The following ZNF578 variants were observed in gnomAD, a reference collection of about 807,000 sequenced individuals.
ZNF578 encodes the protein zinc finger protein 578, also known as Putative chemokine-related protein B42.
A neutral mutation model predicts 8.3 loss-of-function variants in ZNF578; 8 were observed. The ratio of observed to expected loss-of-function variants is 0.96; its 90% CI spans 0.56 to 1.74. The LOEUF (loss-of-function observed/expected upper bound fraction) is 1.74, where lower values mean the gene tolerates loss of function less well. Among genes scored for constraint, ZNF578 ranks in the 40% most tolerant of loss-of-function variants. The pLI is 0.00. For missense variants in ZNF578, 726 were observed against 707.5 expected, an observed-to-expected ratio of 1.03 and a Z score of -0.30; for synonymous variants, 206 against 232.2, an observed-to-expected ratio of 0.89 and a Z score of 1.03.
chr19:52,498,684 CTTTTTT>C (rs72019256), intron 3 of ZNF578, among the ~76,000 whole-genome samples: 2 of 106,852 alleles, frequency 1.9e-5, no homozygotes, highest in African/African-American at 8.1e-5. Context: ...CGCCTGGCCG[CTTTTTT>C]TTTTTTTTTT....
chr19:52,453,983 C>T (rs981205266), intron 1 of ZNF578: 6 of 152,472 alleles, frequency 3.9e-5, no homozygotes, highest in African/African-American at 1.2e-4. Flanking sequence ...AGCGCCGTGT[C>T]CTCTGCCCGG....
intron 2 of ZNF578, among the ~76,000 whole-genome samples, chr19:52,488,644 C>CCCA (rs2059354311): frequency 2.0e-5 from 3 of 151,502 alleles, no homozygotes; most frequent in African/African-American, 7.3e-5. Context: ...ATTAGCCAGG[C>CCCA]GTGGTGGCAG....
chr19:52,482,443 G>A lies in ZNF578; in HGVS notation c.-121-8881G>A, dbSNP rs143988580. On this transcript the variant is annotated intron_variant, in intron 2 of 5. Transcript: ENST00000421239. ...ACGAGGTCAGGGGTTCGAGACCAGC[G>A]TGGCCAACACAGTGAAACCCCATCT... Among the ~76,000 whole-genome samples, 764 of 152,142 alleles carry A rather than the reference G, an allele frequency of 5.0e-3. 4 individuals carry two copies. The highest frequency in any genetic ancestry group is 0.017 in the African/African-American group (725 of 41,572).
chr19:52,514,249 T>A lies in ZNF578; in HGVS notation c.*2095T>A, dbSNP rs2059463258. On this transcript the variant is annotated 3_prime_UTR_variant, in exon 6 of 6. Coordinates refer to ENST00000421239, the MANE Select transcript of ZNF578 (RefSeq NM_001099694.2). Reference sequence around the variant, plus strand: ...TCCTGTAATCAGCTCACATCATTCGTTTCTGTACTTGTATATTTTCCAGTT... The same window carrying A: ...TCCTGTAATCAGCTCACATCATTCGATTCTGTACTTGTATATTTTCCAGTT... Among the ~76,000 whole-genome samples the A allele has an allele frequency of 6.6e-6, 1 of 152,216 alleles. No homozygotes were observed. Among genetic ancestry groups the A allele is most frequent in the Non-Finnish European group, 1.5e-5 (1 of 68,044 alleles).
intron 2 of ZNF578, chr19:52,474,406 A>G: frequency 3.4e-6 from 1 of 293,168 alleles, no homozygotes; most frequent in South Asian, 3.4e-5. Flanking sequence ...TACATTTGTA[A>G]GGTTTCTCTC....
At chr19:52,507,917 C>T (rs781587490) in intron 5 of ZNF578, among the ~76,000 whole-genome samples, 14 of 152,046 alleles carry the variant, frequency 9.2e-5, no homozygotes, top group Non-Finnish European at 1.6e-4. Flanking sequence ...GGAGTGGTGG[C>T]ACATGCCTGT....
rs2059447850 is a variant in ZNF578, at chr19:52,511,673, A to C, written c.1292A>C (p.Asp431Ala). 6.2e-7 allele frequency: 1 copy of C among 1,613,774 alleles called. No homozygotes were observed. Among genetic ancestry groups the C allele is most frequent in the Non-Finnish European group, 8.5e-7 (1 of 1,179,888 alleles). The change falls in exon 6 of 6, where the codon GAC becomes GCC. Residue 431 changes from aspartate (D) to alanine (A), a missense_variant. Transcript: ENST00000421239. Reference protein sequence around the residue: ...HTGEKPYKCNDCGKAFIHQSS... With the variant: ...HTGEKPYKCNACGKAFIHQSS... ...GGAGAGAAACCTTACAAGTGTAATG[A>C]CTGTGGTAAGGCTTTTATTCATCAG...
chr19:52,516,583 A>G lies in ZNF578; in HGVS notation c.*4429A>G, dbSNP rs964155493. Among the ~76,000 whole-genome samples, 1 of 152,204 alleles carries G rather than the reference A, an allele frequency of 6.6e-6. No individual in the cohort carries two copies. Among genetic ancestry groups the G allele is most frequent in the Non-Finnish European group, 1.5e-5 (1 of 68,042 alleles). On this transcript the variant is annotated 3_prime_UTR_variant, in exon 6 of 6. Transcript: ENST00000421239. ...GAAGCAACTGAAGATCCACGAAAGA[A>G]GTGAAAATACCCTTAAGTGATGACA... is the stretch of plus-strand genomic sequence containing the variant.
intron 2 of ZNF578, among the ~76,000 whole-genome samples, chr19:52,489,748 C>T (rs1385327245): frequency 6.6e-5 from 10 of 151,594 alleles, no homozygotes; most frequent in East Asian, 2.0e-4. Flanking sequence ...CTCTGCCTCC[C>T]GGGTTCACGC....
chr19:52,508,808 AAAG>A (rs1486873703), intron 5 of ZNF578, among the ~76,000 whole-genome samples: 2 of 151,882 alleles, frequency 1.3e-5, no homozygotes, highest in South Asian at 2.1e-4. Context: ...AAAAAAAAAA[AAAG>A]AAATCTGATA....
chr19:52,485,889 T>A (rs1028836446), intron 2 of ZNF578, among the ~76,000 whole-genome samples: 2 of 152,126 alleles, frequency 1.3e-5, no homozygotes, highest in Non-Finnish European at 2.9e-5. Context: ...TTTCTCCCCA[T>A]GTGACAGTCT....
intron 2 of ZNF578, among the ~76,000 whole-genome samples, chr19:52,466,793 A>G (rs565268688): frequency 1.6e-4 from 25 of 152,334 alleles, no homozygotes; most frequent in African/African-American, 5.8e-4. Flanking sequence ...TTTATATTTA[A>G]CACTTGAAAT....
chr19:52,498,329 G>GTT (rs58765518), intron 3 of ZNF578, among the ~76,000 whole-genome samples: 122 of 113,666 alleles, frequency 1.1e-3, no homozygotes, highest in East Asian at 2.1e-3. Context: ...GCTAATGTGT[G>GTT]TTTTTTTTTT....
intron 5 of ZNF578, among the ~76,000 whole-genome samples, chr19:52,508,163 G>T (rs1391171448): frequency 6.6e-6 from 1 of 151,790 alleles, no homozygotes; most frequent in African/African-American, 2.4e-5. Context: ...TGGCCAACAT[G>T]GTGAAACCCC....
chr19:52,467,013 ATTT>A (rs982155819), intron 2 of ZNF578, among the ~76,000 whole-genome samples: 1 of 143,422 alleles, frequency 7.0e-6, no homozygotes. Context: ...CTCTTGATTA[ATTT>A]TTTTTTTTTT....
At chr19:52,485,365 G>A (rs1311544373) in intron 2 of ZNF578, among the ~76,000 whole-genome samples, 1 of 152,158 alleles carries the variant, frequency 6.6e-6, no homozygotes, top group Non-Finnish European at 1.5e-5. Context: ...TAGAGCTTTT[G>A]TGCCGCTTTA....
chr19:52,495,575 G>A (rs992127777), intron 3 of ZNF578, among the ~76,000 whole-genome samples: 7 of 152,060 alleles, frequency 4.6e-5, no homozygotes, highest in African/African-American at 1.7e-4. Context: ...ATAAAATGAT[G>A]GAGGGAAGCA....
intron 3 of ZNF578, chr19:52,492,854 A>G (rs1177618614): frequency 6.6e-6 from 1 of 152,268 alleles, no homozygotes; most frequent in Non-Finnish European, 1.5e-5. Flanking sequence ...TGAAGGTCCT[A>G]CCGCGGCATG....
intron 2 of ZNF578, among the ~76,000 whole-genome samples, chr19:52,486,557 G>T (rs1231433877): frequency 6.6e-6 from 1 of 152,196 alleles, no homozygotes; most frequent in Non-Finnish European, 1.5e-5. Flanking sequence ...GCAAGGTAGG[G>T]AGAGTGGCAG....
Sources: gnomAD v4.1 joint callset for allele counts (sites outside exome capture counted in the v4.1 genomes callset) on GRCh38, gnomAD v4.1.1 for gene constraint, MANE v1.5 for transcripts, NCBI Gene and HGNC (gene_info 2026-07-23, HGNC 2026-07-21) for gene names.